Variants in SKIC2 observed in about 807,000 individuals in gnomAD.
The protein encoded by SKIC2 is superkiller complex protein 2.
the SKIC2 span, chr6:31,964,456 G>A: frequency 1.3e-6 from 1 of 755,556 alleles, no homozygotes; most frequent in East Asian, 2.7e-5. This position sits in a 1 kb window ranked among gnomAD's most constrained non-coding sequence, Gnocchi z 5.0. Context: ...TAAGAATCTG[G>A]GCTCTGGATT....
At chr6:31,959,997 G>GCCCTTGTTTCAGCTTC in the SKIC2 span, 1 of 1,588,752 alleles carries the variant, frequency 6.3e-7, no homozygotes. Context: ...CTCTCATCTT[G>GCCCTTGTTTCAGCTTC]CCCTTGTTTC....
chr6:31,968,795 A>G, the SKIC2 span: 1 of 1,454,816 alleles, frequency 6.9e-7, no homozygotes, highest in Non-Finnish European at 9.6e-7. The surrounding 1 kb of genome is among the most constrained non-coding windows in gnomAD (Gnocchi z 6.1). Context: ...CAGCGAGTAG[A>G]GGTGGGTGGG....
At chr6:31,968,211 C>G in the SKIC2 span, 1 of 1,465,226 alleles carries the variant, frequency 6.8e-7, no homozygotes, top group Non-Finnish European at 9.4e-7. The surrounding 1 kb of genome is among the most constrained non-coding windows in gnomAD (Gnocchi z 6.1). Context: ...GGGGGCTCCC[C>G]CAGCCTAAGG....
At chr6:31,968,401 G>C in the SKIC2 span, 6 of 1,612,928 alleles carry the variant, frequency 3.7e-6, no homozygotes, top group Non-Finnish European at 5.1e-6. The surrounding 1 kb of genome is among the most constrained non-coding windows in gnomAD (Gnocchi z 6.1). Flanking sequence ...CCACCCAGCC[G>C]GACCTCCCAC....
At chr6:31,963,284 T>C in the SKIC2 span, 3 of 928,066 alleles carry the variant, frequency 3.2e-6, no homozygotes, top group African/African-American at 3.3e-5. The surrounding 1 kb of genome is among the most constrained non-coding windows in gnomAD (Gnocchi z 5.3). Flanking sequence ...GGATGAGATG[T>C]TGGGGGATAG....
chr6:31,959,464 C>A, the SKIC2 span: 1 of 1,113,818 alleles, frequency 9.0e-7, no homozygotes, highest in African/African-American at 1.5e-5. Context: ...ACCCTCCTCA[C>A]AGTAGGATCT....
chr6:31,960,287 C>G, the SKIC2 span: 1 of 1,613,412 alleles, frequency 6.2e-7, no homozygotes, highest in Non-Finnish European at 8.5e-7. Context: ...CCCATCCGAC[C>G]TACAGGCCCA....
chr6:31,967,514 C>A, the SKIC2 span: 1 of 788,362 alleles, frequency 1.3e-6, no homozygotes, highest in Non-Finnish European at 2.1e-6. The surrounding 1 kb of genome is among the most constrained non-coding windows in gnomAD (Gnocchi z 4.9). Context: ...CACCCTCTCC[C>A]TTCCCATCAC....
the SKIC2 span, chr6:31,963,804 C>T: frequency 6.6e-7 from 1 of 1,507,628 alleles, no homozygotes; most frequent in Non-Finnish European, 9.1e-7. This position sits in a 1 kb window ranked among gnomAD's most constrained non-coding sequence, Gnocchi z 5.3. Flanking sequence ...CCCTTGTCCC[C>T]CAGGGGTTTT....
the SKIC2 span, chr6:31,959,220 G>A: frequency 1.9e-6 from 3 of 1,608,632 alleles, no homozygotes; most frequent in Non-Finnish European, 2.5e-6. Context: ...ACTTGGTGAG[G>A]GGGAGGGGAG....
the SKIC2 span, chr6:31,969,162 G>A: frequency 1.3e-6 from 2 of 1,553,682 alleles, no homozygotes; most frequent in East Asian, 4.5e-5. The surrounding 1 kb of genome is among the most constrained non-coding windows in gnomAD (Gnocchi z 6.1). Context: ...TAGTCCCCCA[G>A]GTGACCCCCT....
At chr6:31,959,306 C>T in the SKIC2 span, 2 of 1,613,618 alleles carry the variant, frequency 1.2e-6, no homozygotes, top group Non-Finnish European at 1.7e-6. Flanking sequence ...GTGCTACCCC[C>T]TCCAGATCCC....
the SKIC2 span, chr6:31,961,150 A>G: frequency 3.7e-6 from 6 of 1,605,768 alleles, no homozygotes; most frequent in Admixed American, 1.7e-5. Context: ...CTCCTAAGGA[A>G]CAGAGATGGA....
chr6:31,968,750 C>T, the SKIC2 span: 4 of 1,612,768 alleles, frequency 2.5e-6, no homozygotes, highest in Non-Finnish European at 3.4e-6. This position sits in a 1 kb window ranked among gnomAD's most constrained non-coding sequence, Gnocchi z 6.1. Context: ...TTCCTACTGT[C>T]GGATCAGTCA....
the SKIC2 span, chr6:31,963,564 G>T: frequency 1.3e-6 from 2 of 1,561,088 alleles, no homozygotes; most frequent in Non-Finnish European, 1.7e-6. The surrounding 1 kb of genome is among the most constrained non-coding windows in gnomAD (Gnocchi z 5.3). Flanking sequence ...AAAAGGGTAA[G>T]CCTCGAGATG....
chr6:31,964,113 C>A, the SKIC2 span: 1 of 1,612,612 alleles, frequency 6.2e-7, no homozygotes, highest in South Asian at 1.1e-5. This position sits in a 1 kb window ranked among gnomAD's most constrained non-coding sequence, Gnocchi z 5.0. Flanking sequence ...GCTCTGACCG[C>A]CAGCTGCCCC....
the SKIC2 span, chr6:31,966,019 C>G: frequency 6.4e-7 from 1 of 1,563,802 alleles, no homozygotes; most frequent in Non-Finnish European, 8.7e-7. This position sits in a 1 kb window ranked among gnomAD's most constrained non-coding sequence, Gnocchi z 5.9. Flanking sequence ...TGATGGTGAG[C>G]GGGCCAGCAT....
At chr6:31,967,093 A>G in the SKIC2 span, 19 of 1,612,764 alleles carry the variant, frequency 1.2e-5, no homozygotes, top group Middle Eastern at 8.2e-4. This position sits in a 1 kb window ranked among gnomAD's most constrained non-coding sequence, Gnocchi z 4.9. Flanking sequence ...ACCTGCCTGA[A>G]TATTACAGCT....
chr6:31,962,389 C>T, the SKIC2 span: 36 of 1,602,070 alleles, frequency 2.2e-5, no homozygotes, highest in Non-Finnish European at 2.8e-5. The surrounding 1 kb of genome is among the most constrained non-coding windows in gnomAD (Gnocchi z 5.0). Context: ...AGAGGAAGTG[C>T]GGGCCATGAG....
Sources: gnomAD v4.1 joint callset for allele counts on GRCh38, gnomAD v4.1.1 for gene constraint, Gnocchi (gnomAD v3.1) non-coding constraint, MANE v1.5 for transcripts, NCBI Gene and HGNC (gene_info 2026-07-23, HGNC 2026-07-21) for gene names.